The following LRRC7 variants were observed in gnomAD, a reference collection of about 807,000 sequenced individuals.
LRRC7 encodes leucine rich repeat containing 7.
Under a neutral mutation model 175.7 loss-of-function variants are expected in LRRC7, and 23 were observed. That is an observed-to-expected ratio of 0.13 (90% confidence interval 0.09 to 0.19). The LOEUF is 0.19. Among genes scored for constraint, LRRC7 ranks in the 10% least tolerant of loss-of-function variants. The probability of loss-of-function intolerance (pLI) is 1.00; values close to 1 mark genes in which losing one functional copy is unlikely to be tolerated. For synonymous variants in LRRC7, 685 were observed against 680.9 expected (o/e 1.01, Z -0.09); for missense variants, 1,354 against 1,904.7 (o/e 0.71, Z 5.38).
chr1:69,899,319 G>C (rs1184797794), intron 7 of LRRC7, among the ~76,000 whole-genome samples: 1 of 152,184 alleles, frequency 6.6e-6, no homozygotes, highest in African/African-American at 2.4e-5. Context: ...GTTGTAACCA[G>C]ACCAGCTACC....
rs1666400624 is a variant in LRRC7, at chr1:70,125,415, C to T, written c.*3528C>T. On this transcript the variant is annotated 3_prime_UTR_variant, in exon 27 of 27. Transcript: ENST00000651989. ...ACTGACAAGCCAATGTTAATTTGCT[C>T]TTAATCTTAAAGATGATTGCACACA... Among the ~76,000 whole-genome samples, 2 of 152,150 alleles carry T rather than the reference C, an allele frequency of 1.3e-5. No homozygotes were observed. The highest frequency in any genetic ancestry group is 2.1e-4 in the South Asian group (1 of 4,828).
intron 17 of LRRC7, among the ~76,000 whole-genome samples, chr1:70,025,836 G>T (rs1411336719): frequency 6.9e-6 from 1 of 144,964 alleles, no homozygotes; most frequent in Admixed American, 6.9e-5. Context: ...ATTTAAGGGG[G>T]GGGGGGTCCT....
chr1:69,795,025 T>C (rs1021277864), intron 4 of LRRC7, among the ~76,000 whole-genome samples: 3 of 152,212 alleles, frequency 2.0e-5, no homozygotes, highest in African/African-American at 7.2e-5. Context: ...TAGCAGCCAT[T>C]GCTAGAACTT....
chr1:69,885,827 C>T (rs1372478418), intron 7 of LRRC7, among the ~76,000 whole-genome samples: 1 of 141,526 alleles, frequency 7.1e-6, no homozygotes, highest in Non-Finnish European at 1.5e-5. Context: ...TCTTTGTTCT[C>T]GTTAGTTTCA....
At chr1:70,058,766 T>C (rs1661351402) in intron 23 of LRRC7, among the ~76,000 whole-genome samples, 1 of 152,198 alleles carries the variant, frequency 6.6e-6, no homozygotes, top group African/African-American at 2.4e-5. Context: ...CTCCTATATG[T>C]AACAGAAAAT....
At position 69,754,837 on chromosome 1, in the gene LRRC7, T is replaced by C. The variant is rs570694110; in HGVS notation, c.101-5354T>C. On this transcript the variant is annotated intron_variant, in intron 2 of 26. Transcript: ENST00000651989. Reference sequence around the variant, plus strand: ...AAATGACGAGGGAAGTAAATCTGCATTAGACATTTAAAAAAATGTACAGTC... The same window carrying C: ...AAATGACGAGGGAAGTAAATCTGCACTAGACATTTAAAAAAATGTACAGTC... Among the ~76,000 whole-genome samples, 19 of 152,070 alleles carry C rather than the reference T, an allele frequency of 1.2e-4. No homozygotes were observed. The South Asian group carries it at 3.5e-3, about 28-fold the overall frequency.
At chr1:70,028,729 A>G (rs575731891) in intron 18 of LRRC7, among the ~76,000 whole-genome samples, 45 of 152,164 alleles carry the variant, frequency 3.0e-4, no homozygotes, top group Non-Finnish European at 5.4e-4. Flanking sequence ...GTTTTCTATT[A>G]TGCAAATCTC....
At chr1:70,075,881 T>C (rs951769578) in intron 23 of LRRC7, among the ~76,000 whole-genome samples, 196 bp from the exon 24 acceptor site, 1 of 152,254 alleles carries the variant, frequency 6.6e-6, no homozygotes, top group Non-Finnish European at 1.5e-5. Flanking sequence ...GTATTTAATG[T>C]GACCTTGCTC....
At chr1:69,744,568 A>G (rs554491416) in intron 2 of LRRC7, among the ~76,000 whole-genome samples, 2 of 152,036 alleles carry the variant, frequency 1.3e-5, no homozygotes, top group Admixed American at 1.3e-4. Flanking sequence ...TAATCTCACT[A>G]TAATTGCCGG....
chr1:69,754,171 A>G (rs995657042), intron 2 of LRRC7, among the ~76,000 whole-genome samples: 12 of 152,138 alleles, frequency 7.9e-5, no homozygotes, highest in Admixed American at 5.2e-4. Context: ...CTTTACTTTG[A>G]GGACAGAGAG....
chr1:69,764,160 A>G (rs927003699), intron 3 of LRRC7, among the ~76,000 whole-genome samples: 5 of 152,136 alleles, frequency 3.3e-5, no homozygotes, highest in African/African-American at 1.2e-4. Flanking sequence ...ACAAAATGAC[A>G]TGCCTTTCAC....
chr1:69,577,914 A>C (rs566109440), intron 1 of LRRC7, among the ~76,000 whole-genome samples: 1 of 152,122 alleles, frequency 6.6e-6, no homozygotes, highest in Non-Finnish European at 1.5e-5. Flanking sequence ...CAATTCTTTG[A>C]AGAAAGTCAT....
Position 69,679,278 on chromosome 1 carries a change from C to T in LRRC7, c.100+800C>T, listed in dbSNP as rs145613242. ...AATTTGTCAGAATTTTGTCCTTTTA[C>T]AGGAACTTACATTTTACAAGGATAA... On this transcript the variant is annotated intron_variant, in intron 2 of 26. Coordinates refer to ENST00000651989, the MANE Select transcript of LRRC7 (RefSeq NM_001370785.2). Among the ~76,000 whole-genome samples, 1,128 of 152,148 alleles carry T rather than the reference C, an allele frequency of 7.4e-3. 15 individuals are homozygous for T. Among genetic ancestry groups the T allele is most frequent in the African/African-American group, 0.026 (1,090 of 41,526 alleles).
rs1022460712 is a variant in LRRC7 at position 70,140,190 on chromosome 1, T to C, written c.*18303T>C. 1.3e-5 allele frequency: 2 copies of C among 152,160 alleles called. No individual in the cohort carries two copies. The highest frequency in any genetic ancestry group is 4.8e-5 in the African/African-American group (2 of 41,442). The allele number at this position is 152,160 out of a possible 1,614,324, so 9.4% of individuals were successfully genotyped here. ...CAGGCTGCTTTTATCAAGCTAAGCA[T>C]GGGCATGCCTTTCCAAAGGGTATAT... On this transcript the variant is annotated 3_prime_UTR_variant, in exon 27 of 27. Transcript: ENST00000651989.
intron 8 of LRRC7, among the ~76,000 whole-genome samples, chr1:69,972,708 G>T (rs1340561478): frequency 1.3e-5 from 2 of 151,870 alleles, no homozygotes; most frequent in Non-Finnish European, 2.9e-5. Flanking sequence ...AAAACAGTGT[G>T]GTGATTCCTT....
intron 7 of LRRC7, among the ~76,000 whole-genome samples, chr1:69,924,353 G>C (rs2101746493): frequency 6.6e-6 from 1 of 152,280 alleles, no homozygotes; most frequent in Non-Finnish European, 1.5e-5. Context: ...GTCATTGGTA[G>C]CTTGATGGGG....
chr1:69,635,409 G>A (rs970242494), intron 1 of LRRC7, among the ~76,000 whole-genome samples: 40 of 152,000 alleles, frequency 2.6e-4, no homozygotes, highest in African/African-American at 9.4e-4. Flanking sequence ...GAATAATTTT[G>A]GTGCATTGAA....
chr1:70,131,620 A>G lies in LRRC7; in HGVS notation c.*9733A>G, dbSNP rs534723810. On this transcript the variant is annotated 3_prime_UTR_variant, in exon 27 of 27. Transcript: ENST00000651989. ...AGAGAACTTGATAACTATCAAGTTA[A>G]TTATGTCTTCTTCTCATAAAATTTT... is the stretch of plus-strand genomic sequence containing the variant. Among the ~76,000 whole-genome samples, 1 of 152,322 alleles carries G rather than the reference A, an allele frequency of 6.6e-6. No homozygotes were observed. Among genetic ancestry groups the G allele is most frequent in the African/African-American group, 2.4e-5 (1 of 41,584 alleles).
At chr1:69,888,296 C>T (rs1326962000) in intron 7 of LRRC7, among the ~76,000 whole-genome samples, 1 of 152,178 alleles carries the variant, frequency 6.6e-6, no homozygotes, top group Non-Finnish European at 1.5e-5. Flanking sequence ...ACCCTCGGAT[C>T]CAGGTGCGGG....
Sources: allele counts gnomAD v4.1 joint callset (sites outside exome capture counted in the v4.1 genomes callset), GRCh38; gene constraint gnomAD v4.1.1; transcripts MANE v1.5; gene names NCBI Gene and HGNC (gene_info 2026-07-23, HGNC 2026-07-21).